CSMD3: variants seen among roughly 807,000 people sequenced by gnomAD.
CSMD3 encodes the protein CUB and Sushi multiple domains 3.
Under a neutral mutation model 435.2 loss-of-function variants are expected in CSMD3, and 177 were observed. The observed-to-expected ratio is 0.41, with a 90% confidence interval of 0.36 to 0.46. The LOEUF is 0.46. Ranked by LOEUF, CSMD3 falls within the 20% of genes least tolerant of loss-of-function variation. The pLI is 0.34. For missense variants in CSMD3, 4,265 were observed against 4,504.6 expected (o/e 0.95, Z 1.52); for synonymous variants, 1,656 against 1,520.5 (o/e 1.09, Z -2.07).
At chr8:112,952,401 C>T (rs2083852060) in intron 8 of CSMD3, among the ~76,000 whole-genome samples, 1 of 151,438 alleles carries the variant, frequency 6.6e-6, no homozygotes, top group African/African-American at 2.4e-5. Context: ...ATTATTTTTT[C>T]TTATTTGAAA....
At chr8:113,064,039 C>T (rs746059843) in intron 5 of CSMD3, among the ~76,000 whole-genome samples, 1 of 151,270 alleles carries the variant, frequency 6.6e-6, no homozygotes, top group Admixed American at 6.6e-5. Flanking sequence ...TATTAAAGGA[C>T]TCGCCTAAAA....
At chr8:113,353,762 C>A (rs1180559174) in intron 1 of CSMD3, among the ~76,000 whole-genome samples, 1 of 152,038 alleles carries the variant, frequency 6.6e-6, no homozygotes, top group African/African-American at 2.4e-5. Flanking sequence ...TTTTTCCCCC[C>A]AAATCATGTA....
At chr8:113,356,129 G>A (rs927856371) in intron 1 of CSMD3, among the ~76,000 whole-genome samples, 3 of 151,550 alleles carry the variant, frequency 2.0e-5, no homozygotes, top group African/African-American at 7.3e-5. Context: ...TTCCATTCAT[G>A]CATATACCAC....
At chr8:113,125,691 CTAAA>C (rs1026047652) in intron 4 of CSMD3, among the ~76,000 whole-genome samples, 2 of 151,684 alleles carry the variant, frequency 1.3e-5, no homozygotes, top group Non-Finnish European at 2.9e-5. Context: ...GTTTCTGAAA[CTAAA>C]TAAAGAAAGT....
rs143468911 is a variant in CSMD3 at position 112,427,601 on chromosome 8, G to T, written c.5396-18569C>A. 2.0e-5 allele frequency among the ~76,000 whole-genome samples: 3 copies of T among 152,170 alleles called. No individual in the cohort carries two copies. The East Asian group carries it at 5.8e-4, about 29-fold the overall frequency. ...ACCAAGTCTTGGGTATTTCCTTACA[G>T]CAACATGAGAACAAACTAATACATA... is the stretch of plus-strand genomic sequence containing the variant. On this transcript the variant is annotated intron_variant, in intron 32 of 70. Coordinates refer to ENST00000297405, the MANE Select transcript of CSMD3 (RefSeq NM_198123.2).
chr8:112,994,944 T>G (rs1295937979), intron 6 of CSMD3, among the ~76,000 whole-genome samples: 2 of 151,554 alleles, frequency 1.3e-5, no homozygotes, highest in African/African-American at 4.8e-5. Flanking sequence ...GAGTTTGGAA[T>G]TACATGAAAT....
chr8:112,475,673 G>A (rs1818973921), intron 31 of CSMD3, among the ~76,000 whole-genome samples: 2 of 152,010 alleles, frequency 1.3e-5, no homozygotes, highest in African/African-American at 4.8e-5. Context: ...ACTTTTGCAC[G>A]AACCTAATAT....
chr8:112,958,095 G>T (rs1267050241), intron 7 of CSMD3, among the ~76,000 whole-genome samples: 2 of 151,172 alleles, frequency 1.3e-5, no homozygotes, highest in Non-Finnish European at 2.9e-5. Context: ...TTTGTTGGGA[G>T]AATTCCCTTT....
At chr8:112,527,987 G>A (rs541400721) in intron 27 of CSMD3, among the ~76,000 whole-genome samples, 7 of 152,190 alleles carry the variant, frequency 4.6e-5, no homozygotes, top group Non-Finnish European at 7.4e-5. Flanking sequence ...GATGAAATTC[G>A]TATAGTATTC....
At chr8:112,582,271 A>T (rs537757587) in intron 23 of CSMD3, among the ~76,000 whole-genome samples, 1 of 152,120 alleles carries the variant, frequency 6.6e-6, no homozygotes, top group East Asian at 1.9e-4. Context: ...TTCTGCCACA[A>T]TTGTGAGCTT....
chr8:112,226,480 G>GA (rs2129792596), intron 70 of CSMD3, among the ~76,000 whole-genome samples: 1 of 152,066 alleles, frequency 6.6e-6, no homozygotes, highest in African/African-American at 2.4e-5. Flanking sequence ...AAACTCTTAG[G>GA]AAAAACACAT....
At chr8:112,817,364 G>C (rs980501995) in intron 12 of CSMD3, among the ~76,000 whole-genome samples, 1 of 151,988 alleles carries the variant, frequency 6.6e-6, no homozygotes, top group African/African-American at 2.4e-5. Context: ...ATCACTATTA[G>C]TTCTCTCCAA....
In CSMD3 at chr8:113,385,379, T is replaced by A. The variant is rs943233870; in HGVS notation, c.178+51298A>T. Reference sequence around the variant, plus strand: ...ACACAAAAATGAAACGATTTACCAATGTCCTAAAACATTAAAGACAGATCT... The same window carrying A: ...ACACAAAAATGAAACGATTTACCAAAGTCCTAAAACATTAAAGACAGATCT... On this transcript the variant is annotated intron_variant, in intron 1 of 70. Coordinates refer to ENST00000297405, the MANE Select transcript of CSMD3 (RefSeq NM_198123.2). 3.9e-5 allele frequency among the ~76,000 whole-genome samples: 6 copies of A among 152,222 alleles called. No individual in the cohort carries two copies. The East Asian group carries it at 5.8e-4, about 15-fold the overall frequency.
At chr8:112,903,338 A>G (rs945834986) in intron 10 of CSMD3, among the ~76,000 whole-genome samples, 1 of 151,186 alleles carries the variant, frequency 6.6e-6, no homozygotes, top group South Asian at 2.1e-4. Context: ...GCTAAAGTAA[A>G]GGACATAATA....
chr8:112,544,067 G>A (rs940192652), intron 27 of CSMD3, among the ~76,000 whole-genome samples: 2 of 152,090 alleles, frequency 1.3e-5, no homozygotes, highest in Non-Finnish European at 2.9e-5. Flanking sequence ...AGGGGCTTAG[G>A]GGAGATGGGA....
intron 4 of CSMD3, among the ~76,000 whole-genome samples, chr8:113,124,315 T>C (rs2091065366): frequency 6.6e-6 from 1 of 151,984 alleles, no homozygotes; most frequent in Non-Finnish European, 1.5e-5. Context: ...ATGATCAGTT[T>C]ACATTACTTA....
intron 10 of CSMD3, among the ~76,000 whole-genome samples, chr8:112,875,972 T>C (rs952763546): frequency 2.0e-5 from 3 of 152,144 alleles, no homozygotes; most frequent in Admixed American, 2.0e-4. Flanking sequence ...TGGAGAACAA[T>C]GATCCTTTGG....
chr8:112,525,847 G>C (rs1824883788), intron 27 of CSMD3, among the ~76,000 whole-genome samples: 2 of 108,926 alleles, frequency 1.8e-5, no homozygotes, highest in African/African-American at 6.9e-5. Flanking sequence ...ATATATACAG[G>C]GTCTTTATAT....
At chr8:112,273,344 A>G (rs1817701166) in intron 59 of CSMD3, among the ~76,000 whole-genome samples, 1 of 152,148 alleles carries the variant, frequency 6.6e-6, no homozygotes, top group Admixed American at 6.5e-5. Context: ...TCATTATTTC[A>G]ATCTCTTCAA....
Sources: allele counts gnomAD v4.1 joint callset (sites outside exome capture counted in the v4.1 genomes callset), GRCh38; gene constraint gnomAD v4.1.1; transcripts MANE v1.5; gene names NCBI Gene and HGNC (gene_info 2026-07-23, HGNC 2026-07-21).